The following SUFU variants were observed in gnomAD, a reference collection of about 807,000 sequenced individuals.
SUFU encodes the protein SUFU negative regulator of hedgehog signaling.
In SUFU, 7 loss-of-function variants were observed where a neutral mutation model predicts 58.9. The ratio of observed to expected loss-of-function variants is 0.12; its 90% CI spans 0.07 to 0.22. The LOEUF (loss-of-function observed/expected upper bound fraction) is 0.22, where lower values mean the gene tolerates loss of function less well. Ranked by LOEUF, SUFU falls within the 10% of genes least tolerant of loss-of-function variation. The probability of loss-of-function intolerance (pLI) is 1.00; values close to 1 mark genes in which losing one functional copy is unlikely to be tolerated. For missense variants in SUFU, 451 were observed against 641.3 expected (o/e 0.70, Z 3.20); for synonymous variants, 232 against 254.8 (o/e 0.91, Z 0.85).
intron 3 of SUFU, among the ~76,000 whole-genome samples, chr10:102,558,328 A>T (rs529298698): frequency 7.2e-5 from 11 of 152,158 alleles, no homozygotes; most frequent in South Asian, 4.1e-4. Context: ...TTCCCATTTC[A>T]GCCTCCTGAG....
At chr10:102,608,217 CTG>C (rs1325592936) in intron 8 of SUFU, among the ~76,000 whole-genome samples, 1 of 139,016 alleles carries the variant, frequency 7.2e-6, no homozygotes, top group Admixed American at 7.8e-5. Context: ...GAGCGAGACT[CTG>C]TCTAAAAAAA....
intron 3 of SUFU, among the ~76,000 whole-genome samples, chr10:102,566,877 G>A (rs1193228333): frequency 2.7e-5 from 4 of 150,114 alleles, no homozygotes; most frequent in Non-Finnish European, 4.4e-5. Context: ...CCCGGAAGGC[G>A]GAGGTTGCAG....
At chr10:102,543,700 T>G (rs748277493) in intron 2 of SUFU, among the ~76,000 whole-genome samples, 7 of 152,218 alleles carry the variant, frequency 4.6e-5, no homozygotes, top group African/African-American at 1.7e-4. Context: ...AATTATACAA[T>G]TTTTCCTGTA....
chr10:102,550,246 TTGTTTTGCCTGG>T, intron 3 of SUFU, 140 bp downstream of exon 3: 1 of 1,388,252 alleles, frequency 7.2e-7, no homozygotes, highest in East Asian at 2.5e-5. Flanking sequence ...TGAGGATGGC[TTGTTTTGCCTGG>T]TGTTTCCTGG....
chr10:102,565,010 G>A (rs143422015), intron 3 of SUFU, among the ~76,000 whole-genome samples: 1 of 152,284 alleles, frequency 6.6e-6, no homozygotes, highest in African/African-American at 2.4e-5. Flanking sequence ...ATATAAATCT[G>A]GGTATTTTTA....
intron 9 of SUFU, among the ~76,000 whole-genome samples, chr10:102,615,844 A>G (rs2063681106): frequency 6.6e-6 from 1 of 152,132 alleles, no homozygotes; most frequent in Admixed American, 6.5e-5. Context: ...GTGACCAGAG[A>G]GCCCCACTGG....
chr10:102,577,335 T>G (rs959178580), intron 3 of SUFU, among the ~76,000 whole-genome samples: 2 of 151,266 alleles, frequency 1.3e-5, no homozygotes, highest in Non-Finnish European at 2.9e-5. Context: ...TTTCCTGGGA[T>G]TTTTTTTTCT....
rs2063807358 is a variant in SUFU at position 102,628,517 on chromosome 10, C to A, written c.1365+1274C>A. ...CTGCCCAGAAGCGCTTCCGGAGAGG[C>A]CTTGTCGCACTGGGATGGCGCTGTG... On this transcript the variant is annotated intron_variant, in intron 11 of 11. Transcript: ENST00000369902. The surrounding 1 kb of genome is among the most constrained non-coding windows in gnomAD (Gnocchi z 4.5). 6.6e-6 allele frequency among the ~76,000 whole-genome samples: 1 copy of A among 152,194 alleles called. No homozygotes were observed. Among genetic ancestry groups the A allele is most frequent in the Non-Finnish European group, 1.5e-5 (1 of 68,042 alleles).
At chr10:102,585,989 A>G (rs1794953464) in intron 3 of SUFU, among the ~76,000 whole-genome samples, 1 of 150,966 alleles carries the variant, frequency 6.6e-6, no homozygotes, top group African/African-American at 2.4e-5. Flanking sequence ...GGTTCAAACA[A>G]TTCTCCTGTC....
chr10:102,534,501 G>C (rs1465702231), intron 2 of SUFU, among the ~76,000 whole-genome samples: 1 of 152,224 alleles, frequency 6.6e-6, no homozygotes, highest in Non-Finnish European at 1.5e-5. Flanking sequence ...ACAGGCGGAG[G>C]CCACGCAAGG....
At chr10:102,528,619 G>T (rs2135689281) in intron 2 of SUFU, among the ~76,000 whole-genome samples, 1 of 152,220 alleles carries the variant, frequency 6.6e-6, no homozygotes, top group Admixed American at 6.6e-5. Context: ...GAAACCCTTT[G>T]CTCACTGAAA....
At chr10:102,544,820 T>G (rs1211112940) in intron 2 of SUFU, among the ~76,000 whole-genome samples, 3 of 152,246 alleles carry the variant, frequency 2.0e-5, no homozygotes, top group Non-Finnish European at 4.4e-5. Context: ...ATTTTCTGTC[T>G]CTATAGATTT....
At chr10:102,506,863 G>C (rs890851493) in intron 1 of SUFU, among the ~76,000 whole-genome samples, 4 of 152,184 alleles carry the variant, frequency 2.6e-5, no homozygotes, top group African/African-American at 9.7e-5. Context: ...GTGGCTCTGT[G>C]ACTGGTGATC....
chr10:102,518,841 T>G (rs1198625442), intron 2 of SUFU, among the ~76,000 whole-genome samples: 1 of 151,512 alleles, frequency 6.6e-6, no homozygotes, highest in African/African-American at 2.4e-5. Context: ...TGGAAGCAGC[T>G]TTTAAAGAAA....
At chr10:102,567,006 C>CTT (rs1175563323) in intron 3 of SUFU, among the ~76,000 whole-genome samples, 35,174 of 64,438 alleles carry the variant, frequency 0.55, 13,450 homozygotes, top group South Asian at 0.6. Context: ...GAAACAGGCT[C>CTT]TTTTTTTTTT....
chr10:102,623,785 C>A (rs942223998), intron 10 of SUFU, among the ~76,000 whole-genome samples: 1 of 152,138 alleles, frequency 6.6e-6, no homozygotes, highest in Admixed American at 6.6e-5. Context: ...ACTAAAAATA[C>A]AAAAATTAGC....
At chr10:102,503,968 T>C, upstream of SUFU, 2 of 836,556 alleles carry the variant, frequency 2.4e-6, no homozygotes, top group African/African-American at 1.8e-5. Flanking sequence ...AGGCACCCTC[T>C]GGCAGACTCG....
intron 2 of SUFU, among the ~76,000 whole-genome samples, chr10:102,534,013 T>C (rs2062706756): frequency 6.6e-6 from 1 of 152,192 alleles, no homozygotes; most frequent in African/African-American, 2.4e-5. Flanking sequence ...TATCTAGGTC[T>C]GGTTCTTTGC....
intron 2 of SUFU, among the ~76,000 whole-genome samples, chr10:102,537,129 C>CTT (rs74317451): frequency 1.3e-4 from 16 of 119,358 alleles, no homozygotes; most frequent in East Asian, 2.4e-4. Context: ...TTAAATTTAC[C>CTT]TTTTTTTTTT....
Sources: gnomAD v4.1 joint callset for allele counts (sites outside exome capture counted in the v4.1 genomes callset) on GRCh38, gnomAD v4.1.1 for gene constraint, Gnocchi (gnomAD v3.1) non-coding constraint, MANE v1.5 for transcripts, NCBI Gene and HGNC (gene_info 2026-07-23, HGNC 2026-07-21) for gene names.